The following EPC1 variants were observed in gnomAD, a reference collection of about 807,000 sequenced individuals.
The protein encoded by EPC1 is enhancer of polycomb homolog 1.
A neutral mutation model predicts 98.4 loss-of-function variants in EPC1; 12 were observed. The observed-to-expected ratio is 0.12, with a 90% CI of 0.08 to 0.20. EPC1 has a LOEUF of 0.20. EPC1 is among the 10% of genes least tolerant of loss of function. The pLI, the probability that EPC1 is intolerant of heterozygous loss-of-function variation, is 1.00. For missense variants in EPC1, 729 were observed against 990.5 expected (o/e 0.74, Z 3.54); for synonymous variants, 357 against 363.9 (o/e 0.98, Z 0.21).
intron 1 of EPC1, chr10:32,345,505 G>A (rs1412339131): frequency 4.1e-6 from 4 of 985,458 alleles, no homozygotes; most frequent in Non-Finnish European, 4.8e-6. Flanking sequence ...ACAAATCCAC[G>A]CGACTCCTGG....
intron 1 of EPC1, among the ~76,000 whole-genome samples, chr10:32,321,571 T>G (rs564457019): frequency 6.6e-6 from 1 of 151,960 alleles, no homozygotes; most frequent in African/African-American, 2.4e-5. Context: ...GGTAGATCAG[T>G]GGCAGAGACT....
chr10:32,292,362 C>A lies in EPC1; in HGVS notation c.815+134G>T, dbSNP rs149184405. On this transcript the variant is annotated intron_variant, in intron 5 of 13. Coordinates refer to ENST00000319778, the MANE Select transcript of EPC1 (RefSeq NM_001272004.3). ...ATGTAAAAGTATAAAAAGTATCATA[C>A]CACATATTTAAAGTCTCTATTATTA... The A allele has an allele frequency of 3.2e-5, 19 of 599,814 alleles. No individual in the cohort carries two copies. The East Asian group carries it at 4.8e-4, about 15-fold the overall frequency. 37.2% of individuals were successfully genotyped at this position (599,814 alleles called of 1,614,324 possible).
At chr10:32,364,207 A>G (rs17574897) in intron 1 of EPC1, among the ~76,000 whole-genome samples, 78,685 of 149,814 alleles carry the variant, frequency 0.53, 22,854 homozygotes, top group East Asian at 0.69. Flanking sequence ...AGAGACTTTT[A>G]GTAGATTTTG....
At chr10:32,366,977 CGTAT>C (rs368610986) in intron 1 of EPC1, among the ~76,000 whole-genome samples, 6 of 151,778 alleles carry the variant, frequency 4.0e-5, no homozygotes, top group Admixed American at 6.6e-5. Context: ...AAACTATGTA[CGTAT>C]GTATGTATGT....
At chr10:32,313,101 G>C (rs1051495496) in intron 1 of EPC1, among the ~76,000 whole-genome samples, 1 of 151,920 alleles carries the variant, frequency 6.6e-6, no homozygotes, top group Non-Finnish European at 1.5e-5. Flanking sequence ...GGACTTCTGA[G>C]AGCATGGTAA....
At chr10:32,281,909 G>C (rs1836428802) in intron 10 of EPC1, 1 of 151,844 alleles carries the variant, frequency 6.6e-6, no homozygotes, top group Middle Eastern at 3.4e-3. Context: ...GACCTCAGGT[G>C]ATCTGCCCGC....
rs1291668586 is a variant in EPC1, at chr10:32,304,693, G to A, written c.313+1079C>T. 2.0e-5 allele frequency among the ~76,000 whole-genome samples: 3 copies of A among 152,238 alleles called. No homozygotes were observed. The Middle Eastern group carries it at 0.01, about 518-fold the overall frequency. ...CCAGCACTTTGGGAGGCCGAGGCGG[G>A]CGGATCACCTGAGGACAGGTGTTTG... is the stretch of plus-strand genomic sequence containing the variant. On this transcript the variant is annotated intron_variant, in intron 2 of 13. Coordinates refer to ENST00000319778, the MANE Select transcript of EPC1 (RefSeq NM_001272004.3).
Position 32,291,311 on chromosome 10 carries a change from C to T in EPC1, c.827G>A (p.Gly276Asp), listed in dbSNP as rs1399179981. ...LEIMEKRYNL[G>D]DYNGEIMSEV... ...AGACATGATCTCTCCATTGTAGTCG[C>T]CCAAATTATACCTAAAATTATACAA... Residue 276 changes from glycine to aspartate, a missense_variant, in exon 6 of 14, where the codon GGC becomes GAC. By Grantham distance (94) the Gly-to-Asp change is moderately conservative. Coordinates refer to ENST00000319778, the MANE Select transcript of EPC1 (RefSeq NM_001272004.3). 5 of 1,606,372 alleles carry T rather than the reference C, an allele frequency of 3.1e-6. No individual in the cohort carries two copies. The highest frequency in any genetic ancestry group is 1.7e-5 in the Admixed American group (1 of 59,476).
intron 1 of EPC1, among the ~76,000 whole-genome samples, chr10:32,358,650 G>A (rs1034575798): frequency 4.0e-5 from 6 of 149,298 alleles, no homozygotes; most frequent in African/African-American, 9.8e-5. Flanking sequence ...AAAAAAAAGC[G>A]GGGGCGGGGG....
At position 32,301,050 on chromosome 10, in the gene EPC1, C is replaced by T. The variant is rs140085067; in HGVS notation, c.313+4722G>A. Among the ~76,000 whole-genome samples, 129 of 144,042 alleles carry T rather than the reference C, an allele frequency of 9.0e-4. 1 individual carries two copies. Among genetic ancestry groups the T allele is most frequent in the Middle Eastern group, 3.7e-3 (1 of 268 alleles). The allele number at this position is 144,042 out of a possible 152,430, so 94.5% of individuals were successfully genotyped here. On this transcript the variant is annotated intron_variant, in intron 2 of 13. Coordinates refer to ENST00000319778, the MANE Select transcript of EPC1 (RefSeq NM_001272004.3). Reference sequence around the variant, plus strand: ...TAGAAGCACATTTATATCTATCTATCTATCTATCTATCTATCTATCTATCT... The same window carrying T: ...TAGAAGCACATTTATATCTATCTATTTATCTATCTATCTATCTATCTATCT...
intron 2 of EPC1, among the ~76,000 whole-genome samples, chr10:32,302,971 T>C (rs994006526): frequency 6.6e-6 from 1 of 152,028 alleles, no homozygotes; most frequent in Non-Finnish European, 1.5e-5. Flanking sequence ...GGATGAACCC[T>C]GCAACTACAC....
chr10:32,310,583 C>G (rs1441150797), intron 1 of EPC1, among the ~76,000 whole-genome samples: 2 of 152,304 alleles, frequency 1.3e-5, no homozygotes, highest in Middle Eastern at 3.4e-3. Flanking sequence ...AGTGAACACT[C>G]ACTGCTTTAA....
intron 1 of EPC1, among the ~76,000 whole-genome samples, chr10:32,314,475 A>G (rs372345722): frequency 3.3e-5 from 5 of 152,204 alleles, no homozygotes; most frequent in African/African-American, 1.2e-4. Context: ...TAGCTTCAAC[A>G]TCTGACTCCA....
At chr10:32,373,260 G>A (rs533873902) in intron 1 of EPC1, among the ~76,000 whole-genome samples, 2 of 152,278 alleles carry the variant, frequency 1.3e-5, no homozygotes, top group Non-Finnish European at 2.9e-5. Flanking sequence ...AATTTTGTGT[G>A]AAGATTTAAG....
At chr10:32,279,897 G>A (rs905336628) in intron 10 of EPC1, among the ~76,000 whole-genome samples, 1 of 151,946 alleles carries the variant, frequency 6.6e-6, no homozygotes, top group Admixed American at 6.6e-5. Context: ...CTAAAACCTA[G>A]CCCCCAAAAT....
intron 3 of EPC1, 121 bp downstream of exon 3, chr10:32,293,471 A>C: frequency 1.0e-6 from 1 of 958,982 alleles, no homozygotes; most frequent in South Asian, 1.9e-5. Context: ...ATTTGAATTC[A>C]TACTTTTTAA....
intron 1 of EPC1, among the ~76,000 whole-genome samples, chr10:32,354,379 G>C (rs896232609): frequency 6.6e-6 from 1 of 152,044 alleles, no homozygotes; most frequent in East Asian, 1.9e-4. Flanking sequence ...GTGTGGACCC[G>C]GGAGGCGGAG....
intron 1 of EPC1, among the ~76,000 whole-genome samples, chr10:32,355,081 G>T (rs965648917): frequency 6.6e-6 from 1 of 152,104 alleles, no homozygotes; most frequent in Non-Finnish European, 1.5e-5. Context: ...ATCCTCATAG[G>T]GGGAGCACTC....
chr10:32,322,438 A>C (rs1836984706), intron 1 of EPC1, among the ~76,000 whole-genome samples: 1 of 152,192 alleles, frequency 6.6e-6, no homozygotes, highest in South Asian at 2.1e-4. Context: ...GAAGATAACT[A>C]AATTATTTAC....
Sources: allele counts gnomAD v4.1 joint callset (sites outside exome capture counted in the v4.1 genomes callset), GRCh38; gene constraint gnomAD v4.1.1; transcripts MANE v1.5; gene names NCBI Gene and HGNC (gene_info 2026-07-23, HGNC 2026-07-21).